Variants in LRRC4C observed in about 807,000 individuals in gnomAD.
LRRC4C encodes leucine rich repeat containing 4C, also known as leucine-rich repeat-containing protein 4C.
Under a neutral mutation model 33.6 loss-of-function variants are expected in LRRC4C, and 5 were observed. That is an observed-to-expected ratio of 0.15 (90% CI 0.08 to 0.31). LRRC4C has a LOEUF of 0.31. LRRC4C is among the 10% of genes least tolerant of loss of function. The pLI is 1.00. For missense variants in LRRC4C, 560 were observed against 796.7 expected (o/e 0.70, Z 3.58); for synonymous variants, 329 against 302.0 (o/e 1.09, Z -0.93).
chr11:40,760,533 A>AT (rs1285336360), intron 2 of LRRC4C, among the ~76,000 whole-genome samples: 1 of 151,974 alleles, frequency 6.6e-6, no homozygotes, highest in Non-Finnish European at 1.5e-5. Flanking sequence ...AATATTATGT[A>AT]TAGAAGTGTA....
chr11:40,618,112 AT>A (rs538170630), intron 3 of LRRC4C, among the ~76,000 whole-genome samples: 7 of 151,822 alleles, frequency 4.6e-5, no homozygotes, highest in Non-Finnish European at 1.0e-4. Flanking sequence ...GTTCATATCT[AT>A]TTAGAACCTC....
chr11:40,891,295 A>G (rs1955698075), intron 2 of LRRC4C, among the ~76,000 whole-genome samples: 1 of 152,190 alleles, frequency 6.6e-6, no homozygotes, highest in Non-Finnish European at 1.5e-5. Context: ...CAAACTTGCC[A>G]GACCAACAAA....
chr11:40,597,205 T>C (rs1959429452), intron 3 of LRRC4C, among the ~76,000 whole-genome samples: 2 of 152,112 alleles, frequency 1.3e-5, no homozygotes, highest in South Asian at 4.1e-4. Context: ...CTGTCTTCTG[T>C]TTGGCATTTT....
chr11:40,712,967 C>T (rs1340848184), intron 2 of LRRC4C, among the ~76,000 whole-genome samples: 2 of 151,660 alleles, frequency 1.3e-5, no homozygotes, highest in Non-Finnish European at 2.9e-5. Flanking sequence ...TGGTTCACTG[C>T]AACCTCAGCC....
intron 3 of LRRC4C, among the ~76,000 whole-genome samples, chr11:40,377,332 C>T (rs1490805322): frequency 1.3e-5 from 2 of 152,032 alleles, no homozygotes; most frequent in Non-Finnish European, 2.9e-5. Context: ...ATGGCATATA[C>T]TATATAGTGT....
chr11:40,330,272 A>C (rs895800917), intron 3 of LRRC4C, among the ~76,000 whole-genome samples: 2 of 152,170 alleles, frequency 1.3e-5, no homozygotes, highest in African/African-American at 4.8e-5. Context: ...GTCTGTGAGG[A>C]TGTTTCTGGG....
chr11:40,927,478 T>C (rs1957450725), intron 2 of LRRC4C, among the ~76,000 whole-genome samples: 2 of 152,162 alleles, frequency 1.3e-5, no homozygotes, highest in South Asian at 4.1e-4. Context: ...AAGTTTGTGG[T>C]ACCAATAAAC....
chr11:40,400,624 C>T (rs1456381128), intron 3 of LRRC4C, among the ~76,000 whole-genome samples: 2 of 152,056 alleles, frequency 1.3e-5, no homozygotes, highest in African/African-American at 2.4e-5. Flanking sequence ...CCATTCTTTC[C>T]CCTTACCAGC....
chr11:41,095,242 C>T (rs1268696892), intron 1 of LRRC4C, among the ~76,000 whole-genome samples: 3 of 152,098 alleles, frequency 2.0e-5, no homozygotes, highest in Admixed American at 6.5e-5. Context: ...TTTAAACCAT[C>T]AGATCTTGTG....
chr11:40,379,850 G>A (rs1435755315), intron 3 of LRRC4C, among the ~76,000 whole-genome samples: 1 of 152,066 alleles, frequency 6.6e-6, no homozygotes, highest in Non-Finnish European at 1.5e-5. Flanking sequence ...CATCACCTGG[G>A]AATTTGTTGG....
Position 40,159,063 on chromosome 11 carries a change from C to T in LRRC4C, c.-95-18210G>A, listed in dbSNP as rs906434918. 5.9e-5 allele frequency among the ~76,000 whole-genome samples: 9 copies of T among 152,100 alleles called. 1 individual carries two copies. In the East Asian group the frequency reaches 9.7e-4, roughly 16 times the overall value. ...GATGGATTGTAATTATACTACACTG[C>T]GAAAAAGCAAAGTGCACATTTCTAC... On this transcript the variant is annotated intron_variant, in intron 5 of 6. Coordinates refer to ENST00000528697, the MANE Select transcript of LRRC4C (RefSeq NM_001258419.2).
chr11:41,067,878 C>G (rs931807101), intron 1 of LRRC4C, among the ~76,000 whole-genome samples: 9 of 152,136 alleles, frequency 5.9e-5, no homozygotes, highest in African/African-American at 1.9e-4. Flanking sequence ...AGACAACGTA[C>G]TAGAATCTCT....
At chr11:41,295,705 C>G (rs1950122529) in intron 1 of LRRC4C, among the ~76,000 whole-genome samples, 2 of 151,878 alleles carry the variant, frequency 1.3e-5, no homozygotes, top group African/African-American at 4.8e-5. Context: ...CAGATCATAT[C>G]ATATCATGTC....
intron 2 of LRRC4C, among the ~76,000 whole-genome samples, chr11:40,715,008 G>C (rs556907303): frequency 6.6e-6 from 1 of 152,088 alleles, no homozygotes; most frequent in African/African-American, 2.4e-5. Context: ...TGCTGACTAC[G>C]GGCAGGCAAC....
At chr11:41,265,635 A>G (rs2136779498) in intron 1 of LRRC4C, among the ~76,000 whole-genome samples, 1 of 152,274 alleles carries the variant, frequency 6.6e-6, no homozygotes, top group Admixed American at 6.5e-5. Context: ...CCTAGTTGCC[A>G]GAGAAGAAAT....
At chr11:40,248,098 T>G (rs2136152514) in intron 4 of LRRC4C, among the ~76,000 whole-genome samples, 1 of 152,266 alleles carries the variant, frequency 6.6e-6, no homozygotes, top group South Asian at 2.1e-4. Context: ...CTACACTTTC[T>G]TATCTTTGCT....
rs146409824 is a variant in LRRC4C, at chr11:40,666,123, T to C, written c.-406-17845A>G. 3.3e-5 allele frequency among the ~76,000 whole-genome samples: 5 copies of C among 152,198 alleles called. No homozygotes were observed. The South Asian group carries it at 8.3e-4, about 25-fold the overall frequency. On this transcript the variant is annotated intron_variant, in intron 2 of 6. Transcript: ENST00000528697. Reference sequence around the variant, plus strand: ...AGATAAATGTTCTACGGTACAGTTATATGATGGAATACTACTCTTCGACAG... The same window carrying C: ...AGATAAATGTTCTACGGTACAGTTACATGATGGAATACTACTCTTCGACAG...
At chr11:40,960,128 GA>G (rs1295829610) in intron 1 of LRRC4C, among the ~76,000 whole-genome samples, 1 of 151,268 alleles carries the variant, frequency 6.6e-6, no homozygotes, top group Non-Finnish European at 1.5e-5. Context: ...AAAAAGGAAG[GA>G]AGGAGGGAAG....
At chr11:40,382,523 T>C (rs1435885605) in intron 3 of LRRC4C, among the ~76,000 whole-genome samples, 1 of 151,190 alleles carries the variant, frequency 6.6e-6, no homozygotes, top group African/African-American at 2.4e-5. Context: ...TCCAACCCTC[T>C]TTATTTATTA....
Sources: allele counts gnomAD v4.1 joint callset (sites outside exome capture counted in the v4.1 genomes callset), GRCh38; gene constraint gnomAD v4.1.1; transcripts MANE v1.5; gene names NCBI Gene and HGNC (gene_info 2026-07-23, HGNC 2026-07-21).